GNAS: variants seen among roughly 807,000 people sequenced by gnomAD.
The protein encoded by GNAS is GNAS complex locus, also known as protein ALEX.
In GNAS, 8 loss-of-function variants were observed where a neutral mutation model predicts 54.5. That is an observed-to-expected ratio of 0.15 (90% CI 0.09 to 0.26). GNAS has a LOEUF of 0.26. Among genes scored for constraint, GNAS ranks in the 10% least tolerant of loss-of-function variants. GNAS has a pLI of 1.00. For missense variants in GNAS, 170 were observed against 529.8 expected (o/e 0.32, Z 6.67); for synonymous variants, 204 against 191.4 (o/e 1.07, Z -0.54).
At chr20:58,854,408 T>G (rs1360553232) in intron 1 of GNAS, 3 of 1,566,584 alleles carry the variant, frequency 1.9e-6, no homozygotes, top group Non-Finnish European at 2.6e-6. Context: ...ACGGATCCCC[T>G]GCCGCCGGGG....
At chr20:58,888,794 G>C (rs1214557762), upstream of GNAS, 1 of 152,172 alleles carries the variant, frequency 6.6e-6, no homozygotes, top group Non-Finnish European at 1.5e-5. Context: ...GCGCGCCGCT[G>C]GGAGGGCGGG....
In GNAS at chr20:58,909,027, A is replaced by C. The variant is rs1461355222; in HGVS notation, c.531-135A>C. The C allele has an allele frequency of 1.6e-5, 13 of 793,906 alleles. No homozygotes were observed. Among genetic ancestry groups the C allele is most frequent in the African/African-American group, 6.7e-5 (4 of 59,408 alleles). The allele number at this position is 793,906 out of a possible 1,614,324, so 49.2% of individuals were successfully genotyped here. A position where few individuals can be genotyped will look rare whatever the true frequency, so the allele number is the denominator to read the frequency against. Reference sequence around the variant, plus strand: ...ACAAATGTAACCAACACACAAGCAAATGTGCCATTGACTTAGTGCTGCATA... The same window carrying C: ...ACAAATGTAACCAACACACAAGCAACTGTGCCATTGACTTAGTGCTGCATA... On this transcript the variant is annotated intron_variant, in intron 6 of 12. Coordinates refer to ENST00000371085, the MANE Select transcript of GNAS (RefSeq NM_000516.7). This position sits in a 1 kb window ranked among gnomAD's most constrained non-coding sequence, Gnocchi z 7.3.
At chr20:58,860,319 GT>G (rs1305682479) in intron 1 of GNAS, among the ~76,000 whole-genome samples, 2 of 150,048 alleles carry the variant, frequency 1.3e-5, no homozygotes, top group Non-Finnish European at 3.0e-5. Flanking sequence ...TTAAATGCAG[GT>G]TTTTTTAAAA....
chr20:58,895,504 T>G, intron 1 of GNAS, 108 bp from the exon 2 acceptor site: 2 of 749,420 alleles, frequency 2.7e-6, no homozygotes, highest in Non-Finnish European at 4.9e-6. Context: ...TTGTGTTTGG[T>G]TTTTTGCATG....
Position 58,841,713 on chromosome 20 carries a change from A to G in GNAS, c.43+827A>G. ...TAAGGGGACCCTTGGGGATGCCCCT[A>G]CGGGCTACCAGGGTTGAACGCACAG... On this transcript the variant is annotated intron_variant, in intron 1 of 12. Transcript: ENST00000306090. The surrounding 1 kb of genome is among the most constrained non-coding windows in gnomAD (Gnocchi z 5.0). 1 of 1,217,444 alleles carries G rather than the reference A, an allele frequency of 8.2e-7. No homozygotes were observed. The highest frequency in any genetic ancestry group is 4.3e-5 in the South Asian group (1 of 23,362). The allele number at this position is 1,217,444 out of a possible 1,614,324, so 75.4% of individuals were successfully genotyped here.
upstream of GNAS, among the ~76,000 whole-genome samples, chr20:58,887,517 T>G (rs1347287968): frequency 6.6e-6 from 1 of 152,252 alleles, no homozygotes; most frequent in Admixed American, 6.5e-5. Flanking sequence ...GCCTTACTGC[T>G]GAGTTCTCCT....
At chr20:58,861,480 C>T (rs978037429) in intron 1 of GNAS, among the ~76,000 whole-genome samples, 3 of 152,114 alleles carry the variant, frequency 2.0e-5, no homozygotes, top group Admixed American at 1.3e-4. Context: ...CTTTTGTTCC[C>T]ATCAGATTCC....
rs527645485 is a variant in GNAS, at chr20:58,905,550, T to C, written c.530+70T>C. ...AACAAGAAAACATGAAAACCTGTGA[T>C]CCTGCTTTGAAAGTTACTTGTTGAT... On this transcript the variant is annotated intron_variant, in intron 6 of 12. Coordinates refer to ENST00000371085, the MANE Select transcript of GNAS (RefSeq NM_000516.7). 35 of 891,624 alleles carry C rather than the reference T, an allele frequency of 3.9e-5. 1 individual carries two copies. The highest frequency in any genetic ancestry group is 2.1e-4 in the Middle Eastern group (1 of 4,710). 55.2% of individuals were successfully genotyped at this position (891,624 alleles called of 1,614,324 possible). A position where few individuals can be genotyped will look rare whatever the true frequency, so the allele number is the denominator to read the frequency against.
At chr20:58,870,552 G>GA (rs1292948147) in intron 1 of GNAS, among the ~76,000 whole-genome samples, 3 of 152,152 alleles carry the variant, frequency 2.0e-5, no homozygotes, top group Non-Finnish European at 4.4e-5. Flanking sequence ...TGCCCAAATG[G>GA]AAAAAAAGCC....
Position 58,856,243 on chromosome 20 carries a change from C to G in GNAS, c.43+15357C>G, listed in dbSNP as rs1429260099. ...CTGGGGCGCCCGGGGCTGCACACCT[C>G]AGTTCGGTATTCTGCACACACACAG... On this transcript the variant is annotated intron_variant, in intron 1 of 12. Transcript: ENST00000306090. This position sits in a 1 kb window ranked among gnomAD's most constrained non-coding sequence, Gnocchi z 4.2. 6.5e-6 allele frequency: 1 copy of G among 154,792 alleles called. No homozygotes were observed. The highest frequency in any genetic ancestry group is 1.4e-5 in the Non-Finnish European group (1 of 69,480). The allele number at this position is 154,792 out of a possible 1,614,324, so 9.6% of individuals were successfully genotyped here. A position where few individuals can be genotyped will look rare whatever the true frequency, so the allele number is the denominator to read the frequency against.
intron 1 of GNAS, among the ~76,000 whole-genome samples, chr20:58,875,788 C>T (rs965513889): frequency 1.3e-5 from 2 of 152,192 alleles, no homozygotes; most frequent in Admixed American, 1.3e-4. Flanking sequence ...ATGTTTTTCT[C>T]CAGCGTCCAC....
chr20:58,888,601 C>T (rs921211154), upstream of GNAS: 2 of 152,328 alleles, frequency 1.3e-5, no homozygotes, highest in Non-Finnish European at 2.9e-5. Context: ...GGGAGGACGC[C>T]TCGAGCACCG....
At chr20:58,882,033 C>A (rs2145795716) in intron 1 of GNAS, among the ~76,000 whole-genome samples, 1 of 152,244 alleles carries the variant, frequency 6.6e-6, no homozygotes. Context: ...CTAGACATTG[C>A]AGGTCCATCT....
At chr20:58,887,435 T>C (rs74405057), upstream of GNAS, among the ~76,000 whole-genome samples, 3,273 of 152,292 alleles carry the variant, frequency 0.021, 59 homozygotes, top group Non-Finnish European at 0.03. Context: ...CAAGCGGTTC[T>C]AATTTAGGTG....
chr20:58,888,446 C>T (rs1246245047), upstream of GNAS: 2 of 152,262 alleles, frequency 1.3e-5, no homozygotes, highest in Non-Finnish European at 1.5e-5. Flanking sequence ...TGCTCCTAAT[C>T]CCGTGCACTG....
intron 1 of GNAS, chr20:58,855,148 C>A: frequency 6.2e-7 from 1 of 1,613,180 alleles, no homozygotes; most frequent in Non-Finnish European, 8.5e-7. Context: ...AGTCCCCAGC[C>A]CAAAGCCTCG....
chr20:58,870,650 G>T (rs1474757856), intron 1 of GNAS, among the ~76,000 whole-genome samples: 1 of 152,226 alleles, frequency 6.6e-6, no homozygotes, highest in Non-Finnish European at 1.5e-5. Flanking sequence ...GCCATTCTGT[G>T]CTTTTCTCAG....
Position 58,910,150 on chromosome 20 carries a change from AC to A in GNAS, c.970+74del, listed in dbSNP as rs2146296518. 4 of 1,522,936 alleles carry A rather than the reference AC, an allele frequency of 2.6e-6. No homozygotes were observed. The highest frequency in any genetic ancestry group is 1.8e-6 in the Non-Finnish European group (2 of 1,098,442). The allele number at this position is 1,522,936 out of a possible 1,614,324, so 94.3% of individuals were successfully genotyped here. A position where few individuals can be genotyped will look rare whatever the true frequency, so the allele number is the denominator to read the frequency against. Reference sequence around the variant, plus strand: ...TCTTTTTCAAACGGTCAGGCTGAAAACCCCCATCCCCCTCCCACCACCAAAC... The same window carrying A: ...TCTTTTTCAAACGGTCAGGCTGAAAACCCCATCCCCCTCCCACCACCAAAC... On this transcript the variant is annotated intron_variant, in intron 11 of 12. Coordinates refer to ENST00000371085, the MANE Select transcript of GNAS (RefSeq NM_000516.7). This position sits in a 1 kb window ranked among gnomAD's most constrained non-coding sequence, Gnocchi z 5.8.
intron 1 of GNAS, among the ~76,000 whole-genome samples, chr20:58,874,752 C>G (rs1049263471): frequency 6.6e-6 from 1 of 152,172 alleles, no homozygotes; most frequent in African/African-American, 2.4e-5. Flanking sequence ...AGTTCCTGGC[C>G]TGCCCTCTAT....
Sources: gnomAD v4.1 joint callset for allele counts (sites outside exome capture counted in the v4.1 genomes callset) on GRCh38, gnomAD v4.1.1 for gene constraint, Gnocchi (gnomAD v3.1) non-coding constraint, MANE v1.5 for transcripts, NCBI Gene and HGNC (gene_info 2026-07-23, HGNC 2026-07-21) for gene names.